TEAD3: variants seen among roughly 807,000 people sequenced by gnomAD.
The protein encoded by TEAD3 is transcriptional enhancer factor TEF-5.
In TEAD3, 15 loss-of-function variants were observed where a neutral mutation model predicts 55.6. That is an observed-to-expected ratio of 0.27 (90% CI 0.18 to 0.42). TEAD3 has a LOEUF of 0.42. Ranked by LOEUF, TEAD3 falls within the 10% of genes least tolerant of loss-of-function variation. TEAD3 has a pLI of 1.00. For missense variants in TEAD3, 407 were observed against 576.8 expected (o/e 0.71, Z 3.01); for synonymous variants, 210 against 232.2 (o/e 0.90, Z 0.87).
chr6:35,478,065 C>T lies in TEAD3; in HGVS notation c.530+210G>A, dbSNP rs1017869496. Among the ~76,000 whole-genome samples the T allele has an allele frequency of 2.0e-5, 3 of 151,012 alleles. No individual in the cohort carries two copies. The South Asian group carries it at 6.3e-4, about 32-fold the overall frequency. ...AGCAAGTCTTGCCCTGTTACCCAGG[C>T]TGATTCTGAACTCCTGGCCTCAAGC... On this transcript the variant is annotated intron_variant, in intron 7 of 12. Coordinates refer to ENST00000639578, the Ensembl canonical transcript of TEAD3.
chr6:35,480,472 A>C, intron 3 of TEAD3, 98 bp from the exon 4 acceptor site: 177 of 1,249,994 alleles, frequency 1.4e-4, no homozygotes, highest in Non-Finnish European at 1.9e-4. Flanking sequence ...CAGACCTCTC[A>C]TCTCTAGGGA....
At position 35,486,055 on chromosome 6, in the gene TEAD3, G is replaced by T. The variant is rs781282774; in HGVS notation, c.202+406C>A. On this transcript the variant is annotated intron_variant, in intron 2 of 12. Transcript: ENST00000639578. The surrounding 1 kb of genome is among the most constrained non-coding windows in gnomAD (Gnocchi z 7.3). ...GTCCCCGTGCGACCTCCCACAGCCC[G>T]CACTGGAGAGAACTATACGGGCTGT... 6.6e-6 allele frequency among the ~76,000 whole-genome samples: 1 copy of T among 152,188 alleles called. No individual in the cohort carries two copies. The highest frequency in any genetic ancestry group is 6.5e-5 in the Admixed American group (1 of 15,294).
intron 3 of TEAD3, among the ~76,000 whole-genome samples, chr6:35,482,159 AT>A (rs1768278580): frequency 6.6e-6 from 1 of 151,898 alleles, no homozygotes; most frequent in Admixed American, 6.6e-5. Flanking sequence ...TAATTTTTGT[AT>A]TTTTTAGTAG....
intron 1 of TEAD3, among the ~76,000 whole-genome samples, chr6:35,489,697 A>G (rs1357605185): frequency 2.6e-5 from 4 of 152,060 alleles, no homozygotes; most frequent in Admixed American, 2.6e-4. Context: ...CTCCTCAACG[A>G]GAGGGGAATT....
In TEAD3 at chr6:35,488,398, C is replaced by G. The variant is rs891921709; in HGVS notation, c.-49-1687G>C. On this transcript the variant is annotated intron_variant, in intron 1 of 12. Coordinates refer to ENST00000639578, the Ensembl canonical transcript of TEAD3. The surrounding 1 kb of genome is among the most constrained non-coding windows in gnomAD (Gnocchi z 4.2). ...ATCACTCACAACCCCAAGACTCACC[C>G]CAAATCCCCTTCAGCCCCAGAACCC... 2.0e-5 allele frequency among the ~76,000 whole-genome samples: 3 copies of G among 152,164 alleles called. No homozygotes were observed. Among genetic ancestry groups the G allele is most frequent in the Non-Finnish European group, 4.4e-5 (3 of 68,026 alleles).
rs1267094041 is a variant in TEAD3, at chr6:35,483,642, G to C, written c.267+918C>G. On this transcript the variant is annotated intron_variant, in intron 3 of 12. Coordinates refer to ENST00000639578, the Ensembl canonical transcript of TEAD3. This position sits in a 1 kb window ranked among gnomAD's most constrained non-coding sequence, Gnocchi z 4.5. Reference sequence around the variant, plus strand: ...CAGCCCTCTCTAATCCATTGTCCCGGCTGCTTGAGGGCCTTCCTCAACAGC... The same window carrying C: ...CAGCCCTCTCTAATCCATTGTCCCGCCTGCTTGAGGGCCTTCCTCAACAGC... Among the ~76,000 whole-genome samples the C allele has an allele frequency of 6.6e-6, 1 of 152,062 alleles. No individual in the cohort carries two copies. Among genetic ancestry groups the C allele is most frequent in the Non-Finnish European group, 1.5e-5 (1 of 67,996 alleles).
downstream of TEAD3, chr6:35,474,266 CCCT>C (rs1768095220): frequency 6.5e-6 from 1 of 152,964 alleles, no homozygotes; most frequent in African/African-American, 2.4e-5. Context: ...CTGCTGTGCT[CCCT>C]TCTTCATGCC....
In TEAD3 at chr6:35,491,631, G is replaced by A. The variant is rs1451744217; in HGVS notation, c.-49-4920C>T. Among the ~76,000 whole-genome samples, 2 of 152,156 alleles carry A rather than the reference G, an allele frequency of 1.3e-5. No individual in the cohort carries two copies. The highest frequency in any genetic ancestry group is 2.4e-5 in the African/African-American group (1 of 41,444). On this transcript the variant is annotated intron_variant, in intron 1 of 12. Coordinates refer to ENST00000639578, the Ensembl canonical transcript of TEAD3. The surrounding 1 kb of genome is among the most constrained non-coding windows in gnomAD (Gnocchi z 4.4). ...CCTGTTGTACCTGTCCTGCAAACCC[G>A]CCAGCAGGCTGCAGACCCCCAGGGG...
chr6:35,486,031 T>C lies in TEAD3; in HGVS notation c.202+430A>G, dbSNP rs1278376648. 1.3e-5 allele frequency among the ~76,000 whole-genome samples: 2 copies of C among 152,096 alleles called. No homozygotes were observed. The highest frequency in any genetic ancestry group is 2.9e-5 in the Non-Finnish European group (2 of 68,006). ...CCCACAGCCCCAACGCAGGCCTTTG[T>C]CCCCGTGCGACCTCCCACAGCCCGC... On this transcript the variant is annotated intron_variant, in intron 2 of 12. Coordinates refer to ENST00000639578, the Ensembl canonical transcript of TEAD3. The surrounding 1 kb of genome is among the most constrained non-coding windows in gnomAD (Gnocchi z 7.3).
At chr6:35,476,379 C>T in exon 9 of TEAD3, 1 of 1,613,036 alleles carries the variant, frequency 6.2e-7, no homozygotes, top group Middle Eastern at 1.9e-4. Flanking sequence ...ATGGTACGGT[C>T]CTGCCACACA....
In TEAD3 at chr6:35,486,522, C is replaced by G; in HGVS notation, c.141G>C (p.Leu47=). 6.2e-7 allele frequency: 1 copy of G among 1,613,678 alleles called. No homozygotes were observed. The highest frequency in any genetic ancestry group is 8.5e-7 in the Non-Finnish European group (1 of 1,179,794). Residue 47 remains leucine (L), a synonymous_variant, in exon 2 of 13, where the codon CTG becomes CTC. Transcript: ENST00000639578. This position sits in a 1 kb window ranked among gnomAD's most constrained non-coding sequence, Gnocchi z 7.3. ...GCCGGCCGCAGGGCGGGTAGATGGC[C>G]AGGGCCTCCTGGAAGCTCTGCTCGA...
At chr6:35,478,938 G>A (rs1355312866) in intron 5 of TEAD3, among the ~76,000 whole-genome samples, 3 of 149,816 alleles carry the variant, frequency 2.0e-5, no homozygotes, top group Admixed American at 6.6e-5. Flanking sequence ...AGAGTGCAGC[G>A]GCATGATCTC....
In TEAD3 at chr6:35,490,537, C is replaced by T. The variant is rs578110205; in HGVS notation, c.-49-3826G>A. ...GAGCACACTGTGCAGAGGGGCTGTGCGAGTGCTCGGGAGGACAACCACGTG... is the reference window on the plus strand; with the variant it reads ...GAGCACACTGTGCAGAGGGGCTGTGTGAGTGCTCGGGAGGACAACCACGTG... On this transcript the variant is annotated intron_variant, in intron 1 of 12. Coordinates refer to ENST00000639578, the Ensembl canonical transcript of TEAD3. Among the ~76,000 whole-genome samples the T allele has an allele frequency of 1.1e-4, 16 of 152,304 alleles. No individual in the cohort carries two copies. The East Asian group carries it at 3.1e-3, about 29-fold the overall frequency.
intron 1 of TEAD3, among the ~76,000 whole-genome samples, chr6:35,493,456 C>T (rs929873336): frequency 6.6e-6 from 1 of 152,182 alleles, no homozygotes; most frequent in African/African-American, 2.4e-5. Flanking sequence ...CACCCACCCA[C>T]AGCGCCAGCA....
At position 35,485,257 on chromosome 6, in the gene TEAD3, T is replaced by C. The variant is rs1768350470; in HGVS notation, c.203-633A>G. ...GTCACTGAGCATGTCGCCATGTCCT[T>C]GTGCCTGTCACCCCCATGTCACCAG... On this transcript the variant is annotated intron_variant, in intron 2 of 12. Transcript: ENST00000639578. The surrounding 1 kb of genome is among the most constrained non-coding windows in gnomAD (Gnocchi z 4.3). Among the ~76,000 whole-genome samples, 1 of 152,186 alleles carries C rather than the reference T, an allele frequency of 6.6e-6. No individual in the cohort carries two copies. Among genetic ancestry groups the C allele is most frequent in the Admixed American group, 6.5e-5 (1 of 15,280 alleles).
chr6:35,494,744 G>A (rs1003245519), intron 1 of TEAD3, among the ~76,000 whole-genome samples: 1 of 152,054 alleles, frequency 6.6e-6, no homozygotes, highest in Admixed American at 6.5e-5. Context: ...TCTGGGAGTG[G>A]GGCAGAGGGT....
intron 1 of TEAD3, among the ~76,000 whole-genome samples, chr6:35,487,726 AAAAAC>A (rs956436666): frequency 2.6e-5 from 4 of 152,152 alleles, no homozygotes; most frequent in South Asian, 2.1e-4. Flanking sequence ...TGTCTCAAAA[AAAAAC>A]AAAACAAAAC....
At chr6:35,473,601 A>G (rs1305131211), downstream of TEAD3, 1 of 150,150 alleles carries the variant, frequency 6.7e-6, no homozygotes, top group Non-Finnish European at 1.5e-5. Context: ...AAGTGGTTAC[A>G]TGACTGACCC....
At chr6:35,490,512 G>A (rs933011779) in intron 1 of TEAD3, among the ~76,000 whole-genome samples, 3 of 152,222 alleles carry the variant, frequency 2.0e-5, no homozygotes, top group Non-Finnish European at 2.9e-5. Flanking sequence ...CCATGCACAG[G>A]AGCACACTGT....
Sources: gnomAD v4.1 joint callset for allele counts (sites outside exome capture counted in the v4.1 genomes callset) on GRCh38, gnomAD v4.1.1 for gene constraint, Gnocchi (gnomAD v3.1) non-coding constraint, MANE v1.5 for transcripts, NCBI Gene and HGNC (gene_info 2026-07-23, HGNC 2026-07-21) for gene names.